Variants in CHN2 observed in about 807,000 individuals in gnomAD.
The protein encoded by CHN2 is beta-chimaerin.
In CHN2, 35 loss-of-function variants were observed where a neutral mutation model predicts 56.3. That is an observed-to-expected ratio of 0.62 (90% CI 0.47 to 0.82). CHN2 has a LOEUF of 0.82. Among genes scored for constraint, CHN2 ranks in the 40% least tolerant of loss-of-function variants. The pLI, the probability that CHN2 is intolerant of heterozygous loss-of-function variation, is 0.00. For synonymous variants in CHN2, 210 were observed against 212.8 expected (o/e 0.99, Z 0.12); for missense variants, 491 against 580.5 (o/e 0.85, Z 1.58).
At chr7:29,471,202 A>C (rs1175229935) in intron 6 of CHN2, among the ~76,000 whole-genome samples, 6 of 152,234 alleles carry the variant, frequency 3.9e-5, no homozygotes, top group African/African-American at 1.4e-4. Flanking sequence ...CTGATGGTAA[A>C]ACATGTTGTT....
chr7:29,392,700 C>CCTGG (rs1258966377), intron 3 of CHN2, among the ~76,000 whole-genome samples: 1 of 152,172 alleles, frequency 6.6e-6, no homozygotes, highest in Admixed American at 6.6e-5. Context: ...TGGAGCTAGG[C>CCTGG]CAGGAAACTG....
chr7:29,245,467 A>G (rs1788001811), intron 1 of CHN2, among the ~76,000 whole-genome samples: 1 of 152,254 alleles, frequency 6.6e-6, no homozygotes, highest in African/African-American at 2.4e-5. Flanking sequence ...GACAAGTAAG[A>G]GTAAGAAATA....
rs116372513 is a variant in CHN2 at position 29,418,096 on chromosome 7, T to C, written c.576+17268T>C. On this transcript the variant is annotated intron_variant, in intron 6 of 12. Transcript: ENST00000222792. The stretch of plus-strand genomic sequence containing the variant: ...GATTGCTGGAGCGCCTTGTTGGTTT[T>C]GAACGGTGCTATTTCCAAGACAAAA... Among the ~76,000 whole-genome samples the C allele has an allele frequency of 3.0e-3, 457 of 152,372 alleles. 2 individuals are homozygous for C. The highest frequency in any genetic ancestry group is 0.01 in the African/African-American group (421 of 41,596).
chr7:29,295,856 G>A (rs1384868320), intron 1 of CHN2, among the ~76,000 whole-genome samples: 1 of 152,194 alleles, frequency 6.6e-6, no homozygotes, highest in African/African-American at 2.4e-5. Context: ...AGGGGATTAG[G>A]CAAATTGGCA....
At chr7:29,383,619 T>A (rs1800694781) in intron 3 of CHN2, among the ~76,000 whole-genome samples, 1 of 152,170 alleles carries the variant, frequency 6.6e-6, no homozygotes, top group Non-Finnish European at 1.5e-5. Context: ...TTGATCATCA[T>A]AACACATAAG....
intron 1 of CHN2, among the ~76,000 whole-genome samples, chr7:29,251,497 C>T (rs1011470716): frequency 6.6e-6 from 1 of 151,992 alleles, no homozygotes; most frequent in African/African-American, 2.4e-5. Context: ...AAATAAAATA[C>T]CTGCCTTCTA....
At chr7:29,423,526 T>C (rs1434601825) in intron 6 of CHN2, among the ~76,000 whole-genome samples, 1 of 152,256 alleles carries the variant, frequency 6.6e-6, no homozygotes, top group African/African-American at 2.4e-5. Flanking sequence ...TCTTGCATCC[T>C]GTGCATGCCA....
intron 6 of CHN2, among the ~76,000 whole-genome samples, chr7:29,451,731 C>T (rs1562617983): frequency 6.6e-6 from 1 of 152,182 alleles, no homozygotes; most frequent in East Asian, 1.9e-4. Flanking sequence ...TTCAAAGCTA[C>T]AAGCCAATCC....
chr7:29,310,273 G>A (rs1794493298), intron 1 of CHN2, among the ~76,000 whole-genome samples: 1 of 152,148 alleles, frequency 6.6e-6, no homozygotes, highest in Admixed American at 6.5e-5. Context: ...TACATCCATA[G>A]AGTGGAATAC....
intron 1 of CHN2, among the ~76,000 whole-genome samples, chr7:29,199,133 G>A (rs1207082811): frequency 6.6e-6 from 1 of 152,148 alleles, no homozygotes; most frequent in African/African-American, 2.4e-5. Context: ...GCTGTTTTCT[G>A]CTATCACACT....
chr7:29,496,278 C>A (rs964210662), intron 8 of CHN2, among the ~76,000 whole-genome samples: 4 of 151,442 alleles, frequency 2.6e-5, no homozygotes, highest in African/African-American at 9.7e-5. Context: ...TCCTTAAACA[C>A]CTACCTGCCT....
intron 1 of CHN2, among the ~76,000 whole-genome samples, chr7:29,339,519 TA>T (rs145943508): frequency 0.027 from 4,186 of 152,314 alleles, 183 homozygotes; most frequent in African/African-American, 0.094. Context: ...AAGATATCTT[TA>T]AAAAGCAATA....
At chr7:29,403,119 T>A (rs1802348520) in intron 6 of CHN2, among the ~76,000 whole-genome samples, 1 of 152,182 alleles carries the variant, frequency 6.6e-6, no homozygotes, top group Non-Finnish European at 1.5e-5. Context: ...TTGCTGGGGC[T>A]ACTCATTTTG....
chr7:29,458,539 G>T (rs1456706360), intron 6 of CHN2, among the ~76,000 whole-genome samples: 4 of 152,058 alleles, frequency 2.6e-5, no homozygotes, highest in African/African-American at 9.7e-5. Context: ...CTTCTCAAGG[G>T]CAAATGTATT....
chr7:29,273,355 A>ATATATATATATATATATGTGTG (rs1790868866), intron 1 of CHN2, among the ~76,000 whole-genome samples: 1 of 75,006 alleles, frequency 1.3e-5, no homozygotes, highest in Non-Finnish European at 2.7e-5. Flanking sequence ...ATATATATAT[A>ATATATATATATATATATGTGTG]TATATATATA....
intron 1 of CHN2, among the ~76,000 whole-genome samples, chr7:29,214,166 T>C (rs1785163591): frequency 6.6e-6 from 1 of 152,194 alleles, no homozygotes; most frequent in South Asian, 2.1e-4. Flanking sequence ...CCATTTATGC[T>C]CAAATATGGC....
intron 6 of CHN2, among the ~76,000 whole-genome samples, chr7:29,430,513 C>T (rs1297309020): frequency 6.6e-6 from 1 of 152,148 alleles, no homozygotes; most frequent in Non-Finnish European, 1.5e-5. Flanking sequence ...AAGTGAGGTG[C>T]AGAAACAGCT....
At chr7:29,294,183 ATCTGTTGTGTTC>A (rs941323933) in intron 1 of CHN2, among the ~76,000 whole-genome samples, 11 of 151,982 alleles carry the variant, frequency 7.2e-5, no homozygotes, top group African/African-American at 1.4e-4. Flanking sequence ...GGGAATTTTT[ATCTGTTGTGTTC>A]TCTGTTGTAT....
At chr7:29,371,187 A>G (rs1799581791) in intron 3 of CHN2, among the ~76,000 whole-genome samples, 1 of 152,186 alleles carries the variant, frequency 6.6e-6, no homozygotes, top group Non-Finnish European at 1.5e-5. Context: ...CGAAGTGATG[A>G]CAGTATTCTC....
Sources: allele counts gnomAD v4.1 joint callset (sites outside exome capture counted in the v4.1 genomes callset), GRCh38; gene constraint gnomAD v4.1.1; transcripts MANE v1.5; gene names NCBI Gene and HGNC (gene_info 2026-07-23, HGNC 2026-07-21).